The following POU2F1 variants were observed in gnomAD, a reference collection of about 807,000 sequenced individuals.
POU2F1 encodes POU domain, class 2, transcription factor 1.
In POU2F1, 16 loss-of-function variants were observed where a neutral mutation model predicts 84.9. That is an observed-to-expected ratio of 0.19 (90% CI 0.13 to 0.29). The LOEUF (loss-of-function observed/expected upper bound fraction) is 0.29. Ranked by LOEUF, POU2F1 falls within the 10% of genes least tolerant of loss-of-function variation. The pLI is 1.00. For missense variants in POU2F1, 738 were observed against 942.6 expected, an observed-to-expected ratio of 0.78 and a Z score of 2.84; for synonymous variants, 368 against 368.3, an observed-to-expected ratio of 1.00 and a Z score of 0.01.
chr1:167,283,785 C>T (rs530629028), intron 1 of POU2F1, among the ~76,000 whole-genome samples: 1 of 152,264 alleles, frequency 6.6e-6, no homozygotes, highest in East Asian at 1.9e-4. Flanking sequence ...TGGAAAGTGT[C>T]AAGCGGTCTT....
At chr1:167,325,710 T>C (rs1158562683) in intron 1 of POU2F1, among the ~76,000 whole-genome samples, 2 of 151,964 alleles carry the variant, frequency 1.3e-5, no homozygotes, top group East Asian at 3.9e-4. Context: ...GCCAACATGG[T>C]GAAACCCGTC....
At chr1:167,358,699 C>A (rs1223188998) in intron 2 of POU2F1, among the ~76,000 whole-genome samples, 1 of 79,638 alleles carries the variant, frequency 1.3e-5, no homozygotes, top group African/African-American at 4.3e-5. Context: ...TATTCTTAAT[C>A]TTTTTATTAT....
At chr1:167,414,993 C>T (rs978891640) in intron 15 of POU2F1, among the ~76,000 whole-genome samples, 3 of 152,156 alleles carry the variant, frequency 2.0e-5, no homozygotes, top group East Asian at 3.8e-4. Flanking sequence ...CTGTTTCCAC[C>T]TCAGATCGTG....
intron 1 of POU2F1, among the ~76,000 whole-genome samples, chr1:167,273,679 T>C (rs1160108655): frequency 1.3e-5 from 2 of 152,258 alleles, no homozygotes; most frequent in Non-Finnish European, 2.9e-5. Flanking sequence ...TTGCCTATTA[T>C]GTCTGGCAGA....
intron 5 of POU2F1, 131 bp from the exon 6 acceptor site, chr1:167,373,977 G>C: frequency 2.6e-6 from 2 of 770,260 alleles, no homozygotes; most frequent in Non-Finnish European, 4.5e-6. Flanking sequence ...CATTTTAGCT[G>C]TCTGCTAAGC....
intron 9 of POU2F1, among the ~76,000 whole-genome samples, chr1:167,390,251 T>C (rs1216589829): frequency 6.6e-6 from 1 of 152,254 alleles, no homozygotes; most frequent in Admixed American, 6.5e-5. Context: ...TTTCCTGCAT[T>C]TTTAATGTAT....
At chr1:167,404,950 A>C (rs989374591) in intron 13 of POU2F1, among the ~76,000 whole-genome samples, 2 of 152,226 alleles carry the variant, frequency 1.3e-5, no homozygotes, top group Non-Finnish European at 2.9e-5. Context: ...TTTAGAAATG[A>C]AGGGAAAAAC....
At chr1:167,329,195 A>T in intron 1 of POU2F1, 1 of 1,525,628 alleles carries the variant, frequency 6.6e-7, no homozygotes, top group Non-Finnish European at 8.8e-7. Context: ...TGTTAGAAAT[A>T]GTAGTACCTT....
intron 1 of POU2F1, among the ~76,000 whole-genome samples, chr1:167,267,273 C>T (rs1373345506): frequency 2.7e-5 from 4 of 150,634 alleles, no homozygotes; most frequent in Admixed American, 6.6e-5. Context: ...TGATACCAAA[C>T]TATATATGCA....
intron 1 of POU2F1, among the ~76,000 whole-genome samples, chr1:167,324,303 A>G (rs1194335674): frequency 2.0e-5 from 3 of 152,228 alleles, no homozygotes; most frequent in Non-Finnish European, 4.4e-5. Context: ...ACACATCGCA[A>G]TACATTTATA....
At chr1:167,282,130 A>G (rs1653186662) in intron 1 of POU2F1, among the ~76,000 whole-genome samples, 1 of 151,626 alleles carries the variant, frequency 6.6e-6, no homozygotes, top group Non-Finnish European at 1.5e-5. Flanking sequence ...TAAGTAAACA[A>G]AAGAATTTTT....
chr1:167,307,178 ATAAG>A (rs1280216291), intron 1 of POU2F1, among the ~76,000 whole-genome samples: 8 of 152,204 alleles, frequency 5.3e-5, no homozygotes, highest in Admixed American at 3.3e-4. Context: ...TCTTCAAATA[ATAAG>A]TAAGTGATGA....
intron 12 of POU2F1, among the ~76,000 whole-genome samples, chr1:167,400,849 G>A (rs1649154685): frequency 1.3e-5 from 2 of 152,226 alleles, no homozygotes; most frequent in South Asian, 2.1e-4. Flanking sequence ...GTTAGTTTAT[G>A]TGAAGGTTGT....
At chr1:167,392,371 A>G (rs978183104) in intron 9 of POU2F1, among the ~76,000 whole-genome samples, 11 of 151,540 alleles carry the variant, frequency 7.3e-5, no homozygotes, top group East Asian at 1.9e-4. Context: ...AAAAAAAAAG[A>G]AAGAAAGAAA....
At chr1:167,225,107 C>T (rs1648531207) in intron 1 of POU2F1, among the ~76,000 whole-genome samples, 1 of 152,170 alleles carries the variant, frequency 6.6e-6, no homozygotes, top group African/African-American at 2.4e-5. Flanking sequence ...GGATTACAGG[C>T]GTGAGCCACC....
chr1:167,231,747 C>T (rs1055965112), intron 1 of POU2F1, among the ~76,000 whole-genome samples: 1 of 151,980 alleles, frequency 6.6e-6, no homozygotes, highest in African/African-American at 2.4e-5. Flanking sequence ...TTGAAGTACC[C>T]CAGGAGCATA....
intron 1 of POU2F1, among the ~76,000 whole-genome samples, chr1:167,325,965 T>TA (rs942478308): frequency 2.0e-5 from 3 of 150,878 alleles, no homozygotes; most frequent in Admixed American, 6.6e-5. Flanking sequence ...TTTTAGAAAA[T>TA]AAAAAAAGGC....
intron 13 of POU2F1, among the ~76,000 whole-genome samples, chr1:167,403,217 A>C (rs1454103382): frequency 6.6e-6 from 1 of 152,202 alleles, no homozygotes; most frequent in Non-Finnish European, 1.5e-5. Flanking sequence ...CAGGAAAAAC[A>C]ATCACAAGTA....
intron 15 of POU2F1, among the ~76,000 whole-genome samples, chr1:167,413,987 TAAAAAAAA>T (rs372662250): frequency 1.6e-5 from 2 of 126,440 alleles, no homozygotes; most frequent in Non-Finnish European, 3.4e-5. Flanking sequence ...ACCCTGTTTC[TAAAAAAAA>T]AAAAAAAAAA....
Sources: gnomAD v4.1 joint callset for allele counts (sites outside exome capture counted in the v4.1 genomes callset) on GRCh38, gnomAD v4.1.1 for gene constraint, MANE v1.5 for transcripts, NCBI Gene and HGNC (gene_info 2026-07-23, HGNC 2026-07-21) for gene names.